The following LETM1 variants were observed in gnomAD, a reference collection of about 807,000 sequenced individuals.
The protein encoded by LETM1 is mitochondrial proton/calcium exchanger protein.
A neutral mutation model predicts 74.5 loss-of-function variants in LETM1; 50 were observed. That is an observed-to-expected ratio of 0.67 (90% CI 0.53 to 0.85). LETM1 has a LOEUF of 0.85. LETM1 is among the 40% of genes least tolerant of loss of function. LETM1 has a pLI of 0.00. For synonymous variants in LETM1, 446 were observed against 407.1 expected (o/e 1.10, Z -1.15); for missense variants, 824 against 967.8 (o/e 0.85, Z 1.97).
rs1267987639 is a variant in LETM1, at chr4:1,814,398, G to A, written c.*26C>T. The A allele has an allele frequency of 3.1e-6, 5 of 1,613,976 alleles. No homozygotes were observed. In the African/African-American group the frequency reaches 4.0e-5, roughly 13 times the overall value. On this transcript the variant is annotated 3_prime_UTR_variant, in exon 14 of 14. Transcript: ENST00000302787. ...CCTTGCCAGGGTGACGGCACAGCAG[G>A]AGGACAGGTGCCCAGGCCAGTGGTT...
chr4:1,819,301 T>C, intron 11 of LETM1, 37 bp downstream of exon 11: 1 of 1,577,768 alleles, frequency 6.3e-7, no homozygotes, highest in Non-Finnish European at 8.6e-7. Context: ...TTTACTCTTC[T>C]TGCAGTCTCA....
At chr4:1,832,359 A>T (rs1291522141) in intron 6 of LETM1, among the ~76,000 whole-genome samples, 1 of 152,210 alleles carries the variant, frequency 6.6e-6, no homozygotes, top group South Asian at 2.1e-4. Flanking sequence ...AAAGCACAAA[A>T]GGGCGTGAAG....
At chr4:1,823,257 G>A in intron 8 of LETM1, 126 bp from the exon 9 acceptor site, 1 of 1,285,264 alleles carries the variant, frequency 7.8e-7, no homozygotes, top group African/African-American at 1.5e-5. Context: ...ACACAGGACA[G>A]AAGGCACTGC....
chr4:1,840,041 A>G (rs1712632715), intron 3 of LETM1, among the ~76,000 whole-genome samples: 1 of 152,232 alleles, frequency 6.6e-6, no homozygotes, highest in Non-Finnish European at 1.5e-5. Context: ...TAGCCCATAA[A>G]TACGTATACC....
At chr4:1,831,076 T>C (rs561563798) in intron 6 of LETM1, among the ~76,000 whole-genome samples, 3 of 152,200 alleles carry the variant, frequency 2.0e-5, no homozygotes, top group Non-Finnish European at 4.4e-5. Flanking sequence ...CAGTCAGACA[T>C]GTCTCCACCT....
Position 1,823,104 on chromosome 4 carries a change from C to T in LETM1, c.1360G>A (p.Glu454Lys), listed in dbSNP as rs772608419. The T allele has an allele frequency of 1.9e-6, 3 of 1,606,026 alleles. No individual in the cohort carries two copies. The highest frequency in any genetic ancestry group is 2.6e-6 in the Non-Finnish European group (3 of 1,175,486). ...TTGTCCACCTGCTCGCCCTCCACCT[C>T]GGCCACTTTCACCTGTGCTTCCTTT... ...VAKEAQVKVAEVEGEQVDNKA... is the reference protein window; with the variant it reads ...VAKEAQVKVAKVEGEQVDNKA... Residue 454 changes from glutamate (E) to lysine (K), a missense_variant, in exon 9 of 14, where the codon GAG becomes AAG. Around this residue, in one of 4 missense-constraint regions of LETM1, gnomAD observed 172 missense variants for 170.7 expected, o/e 1.01. Transcript: ENST00000302787.
rs141242225 is a variant in LETM1 at position 1,834,866 on chromosome 4, G to A, written c.855C>T (p.Asp285=). The A allele has an allele frequency of 5.4e-5, 87 of 1,614,076 alleles. No individual in the cohort carries two copies. Among genetic ancestry groups the A allele is most frequent in the Non-Finnish European group, 6.8e-5 (80 of 1,180,034 alleles). The part of the protein sequence containing the change: ...NKAAKGSATK[D]FSVFFQKIRE... Reference sequence around the variant, plus strand: ...GCACCTTCTGGAAAAACACAGAGAAGTCTTTGGTGGCGCTGCCCTTGGCTG... The same window carrying A: ...GCACCTTCTGGAAAAACACAGAGAAATCTTTGGTGGCGCTGCCCTTGGCTG... The change falls in exon 5 of 14, where the codon GAC becomes GAT. Residue 285 remains aspartate (D), a synonymous_variant. Transcript: ENST00000302787. The surrounding 1 kb of genome is among the most constrained non-coding windows in gnomAD (Gnocchi z 5.0).
chr4:1,828,336 C>T (rs1314436566), intron 6 of LETM1, among the ~76,000 whole-genome samples: 2 of 127,790 alleles, frequency 1.6e-5, no homozygotes, highest in African/African-American at 6.3e-5. Context: ...GCTGACCCCC[C>T]CCACCTCCCT....
chr4:1,822,863 A>G, intron 9 of LETM1, 125 bp downstream of exon 9: 1 of 1,007,192 alleles, frequency 9.9e-7, no homozygotes, highest in Non-Finnish European at 1.3e-6. Flanking sequence ...TCCAGGAGGA[A>G]ATAAACATGC....
chr4:1,820,866 A>G lies in LETM1; in HGVS notation c.1608+1315T>C, dbSNP rs182061618. Among the ~76,000 whole-genome samples the G allele has an allele frequency of 2.6e-3, 395 of 152,226 alleles. 5 individuals carry two copies. The highest frequency in any genetic ancestry group is 2.2e-3 in the Non-Finnish European group (152 of 68,000). ...TGGTGAAACCCCATCTCTACTAAAA[A>G]TACAACAATTAGCTGGGTGTGGTGG... On this transcript the variant is annotated intron_variant, in intron 10 of 13. Coordinates refer to ENST00000302787, the MANE Select transcript of LETM1 (RefSeq NM_012318.3).
intron 4 of LETM1, 116 bp from the exon 5 acceptor site, chr4:1,835,098 C>T: frequency 1.0e-6 from 1 of 959,656 alleles, no homozygotes; most frequent in Non-Finnish European, 1.6e-6. Context: ...AACACACTGA[C>T]TCTCATCTAA....
At chr4:1,832,391 T>C (rs540324068) in intron 6 of LETM1, among the ~76,000 whole-genome samples, 4 of 151,948 alleles carry the variant, frequency 2.6e-5, no homozygotes, top group African/African-American at 4.8e-5. Context: ...GCACGTGCGA[T>C]GGACAGGACA....
rs1712457145 is a variant in LETM1, at chr4:1,836,197, G to A, written c.738+232C>T. 1.3e-5 allele frequency among the ~76,000 whole-genome samples: 2 copies of A among 152,156 alleles called. No individual in the cohort carries two copies. Among genetic ancestry groups the A allele is most frequent in the South Asian group, 4.1e-4 (2 of 4,826 alleles). The stretch of plus-strand genomic sequence containing the variant: ...CGCACTGCTGCACTCCAGCCTGGGT[G>A]ACAGAGCGAGACCCTGTTTCAAAAA... On this transcript the variant is annotated intron_variant, in intron 4 of 13. Coordinates refer to ENST00000302787, the MANE Select transcript of LETM1 (RefSeq NM_012318.3). This position sits in a 1 kb window ranked among gnomAD's most constrained non-coding sequence, Gnocchi z 5.8.
At chr4:1,832,027 A>G (rs1712289363) in intron 6 of LETM1, among the ~76,000 whole-genome samples, 1 of 152,218 alleles carries the variant, frequency 6.6e-6, no homozygotes, top group Non-Finnish European at 1.5e-5. Context: ...CCAGCCGGAC[A>G]CAGTGGCTCA....
intron 1 of LETM1, among the ~76,000 whole-genome samples, chr4:1,850,228 C>T (rs1027046030): frequency 1.3e-5 from 2 of 152,158 alleles, no homozygotes; most frequent in African/African-American, 4.8e-5. Context: ...GAAGCCAGTT[C>T]TGAGTGTTGG....
rs912513067 is a variant in LETM1, at chr4:1,840,611, C to T, written c.594+736G>A. Among the ~76,000 whole-genome samples the T allele has an allele frequency of 3.5e-4, 52 of 149,988 alleles. 1 individual carries two copies. The East Asian group carries it at 9.3e-3, about 27-fold the overall frequency. ...GGACCCCGGGGGGCGGAGCCTGCAG[C>T]GAGCCGAGATCGCACCACTGCACTC... On this transcript the variant is annotated intron_variant, in intron 3 of 13. Transcript: ENST00000302787.
chr4:1,850,840 C>A (rs1051126881), intron 1 of LETM1, among the ~76,000 whole-genome samples: 1 of 151,122 alleles, frequency 6.6e-6, no homozygotes, highest in Non-Finnish European at 1.5e-5. Flanking sequence ...ATGGCAGGTG[C>A]CTGTAATCCC....
intron 7 of LETM1, 84 bp from the exon 8 acceptor site, chr4:1,823,859 A>C: frequency 7.0e-7 from 1 of 1,434,906 alleles, no homozygotes; most frequent in Non-Finnish European, 9.4e-7. Flanking sequence ...CATCACCAGA[A>C]TAGCTCTCAG....
chr4:1,852,143 G>A (rs182338480), intron 1 of LETM1, among the ~76,000 whole-genome samples: 2 of 152,242 alleles, frequency 1.3e-5, no homozygotes, highest in Admixed American at 1.3e-4. Flanking sequence ...CAGGGTACGG[G>A]CTCAGTCCCA....
Sources: gnomAD v4.1 joint callset for allele counts (sites outside exome capture counted in the v4.1 genomes callset) on GRCh38, gnomAD v4.1.1 for gene constraint, gnomAD v4.1.1 regional missense constraint, Gnocchi (gnomAD v3.1) non-coding constraint, MANE v1.5 for transcripts, NCBI Gene and HGNC (gene_info 2026-07-23, HGNC 2026-07-21) for gene names.